ENOX1: variants seen among roughly 807,000 people sequenced by gnomAD.
ENOX1 encodes the protein ecto-NOX disulfide-thiol exchanger 1, also known as candidate growth-related and time keeping constitutive hydroquinone (NADH) oxidase.
ENOX1 carries 42 observed loss-of-function variants against 82.5 expected under a neutral mutation model. The ratio of observed to expected loss-of-function variants is 0.51; its 90% confidence interval spans 0.40 to 0.66. The LOEUF (loss-of-function observed/expected upper bound fraction) is 0.66, where lower values mean the gene tolerates loss of function less well. ENOX1 is among the 30% of genes least tolerant of loss of function. The pLI is 0.00. For synonymous variants in ENOX1, 271 were observed against 282.2 expected, an observed-to-expected ratio of 0.96 and a Z score of 0.40; for missense variants, 608 against 811.6, an observed-to-expected ratio of 0.75 and a Z score of 3.05.
chr13:43,320,813 C>CA (rs1042043361), intron 11 of ENOX1, among the ~76,000 whole-genome samples: 26 of 150,840 alleles, frequency 1.7e-4, no homozygotes, highest in African/African-American at 2.9e-4. Flanking sequence ...GCGCTTTTGA[C>CA]AAAAAAAAAG....
chr13:43,560,108 A>T (rs1341569176), intron 2 of ENOX1, among the ~76,000 whole-genome samples: 1 of 152,106 alleles, frequency 6.6e-6, no homozygotes, highest in Admixed American at 6.5e-5. Flanking sequence ...ATATGGAAAC[A>T]TTTGCTATTT....
At position 43,609,482 on chromosome 13, in the gene ENOX1, T is replaced by C. The variant is rs185976472; in HGVS notation, c.-219+57997A>G. Among the ~76,000 whole-genome samples, 3 of 152,358 alleles carry C rather than the reference T, an allele frequency of 2.0e-5. No homozygotes were observed. The East Asian group carries it at 5.8e-4, about 29-fold the overall frequency. On this transcript the variant is annotated intron_variant, in intron 2 of 16. Transcript: ENST00000690772. ...GAGTTATGTGACTGTGAATATACAGTTTGAGCTTTCTAGAATCTCTTCACT... is the reference window on the plus strand; with the variant it reads ...GAGTTATGTGACTGTGAATATACAGCTTGAGCTTTCTAGAATCTCTTCACT...
intron 3 of ENOX1, among the ~76,000 whole-genome samples, chr13:43,423,587 A>T (rs2055105360): frequency 6.6e-6 from 1 of 152,178 alleles, no homozygotes; most frequent in African/African-American, 2.4e-5. Flanking sequence ...GTGGCAGCTC[A>T]CTGTGCCAGA....
At chr13:43,460,832 A>AT (rs2057450870) in intron 3 of ENOX1, among the ~76,000 whole-genome samples, 8 of 19,780 alleles carry the variant, frequency 4.0e-4, no homozygotes, top group Non-Finnish European at 4.4e-4. Flanking sequence ...AAAAAAAAAT[A>AT]GGGATAGCTC....
intron 1 of ENOX1, among the ~76,000 whole-genome samples, chr13:43,756,008 A>G (rs1950621079): frequency 6.6e-6 from 1 of 152,262 alleles, no homozygotes; most frequent in African/African-American, 2.4e-5. Flanking sequence ...GAGACAGTCC[A>G]GTCCACAGAC....
intron 3 of ENOX1, among the ~76,000 whole-genome samples, chr13:43,475,794 CAA>C (rs10624980): frequency 1.1e-4 from 8 of 70,946 alleles, no homozygotes; most frequent in Admixed American, 1.7e-4. Flanking sequence ...CATAACTGAC[CAA>C]AAAAAAAAAA....
chr13:43,781,879 C>T (rs1360846954), intron 1 of ENOX1, among the ~76,000 whole-genome samples: 1 of 152,138 alleles, frequency 6.6e-6, no homozygotes, highest in East Asian at 1.9e-4. Context: ...ATATGTGTAC[C>T]TAAGAGTGAG....
intron 2 of ENOX1, among the ~76,000 whole-genome samples, chr13:43,660,381 T>C (rs1007998350): frequency 2.0e-5 from 3 of 152,208 alleles, no homozygotes; most frequent in African/African-American, 4.8e-5. Flanking sequence ...AATCTGAAAA[T>C]GATCAGTCAG....
At chr13:43,321,108 TTAAAATGAATG>T (rs1202154658) in intron 11 of ENOX1, 1 of 456,274 alleles carries the variant, frequency 2.2e-6, no homozygotes, top group East Asian at 6.9e-5. Flanking sequence ...ACCTGAAAGA[TTAAAATGAATG>T]AATTTGAGGG....
chr13:43,442,498 T>C (rs2056416162), intron 3 of ENOX1, among the ~76,000 whole-genome samples: 1 of 152,200 alleles, frequency 6.6e-6, no homozygotes, highest in Non-Finnish European at 1.5e-5. Flanking sequence ...ACAGAGACAC[T>C]GACAGTCACT....
intron 3 of ENOX1, among the ~76,000 whole-genome samples, chr13:43,428,188 A>G (rs984770482): frequency 9.9e-5 from 15 of 152,284 alleles, no homozygotes; most frequent in African/African-American, 3.6e-4. Context: ...CTGAAAGACA[A>G]CTCAAGACCC....
chr13:43,529,337 C>A (rs2078115208), intron 2 of ENOX1, among the ~76,000 whole-genome samples: 1 of 151,858 alleles, frequency 6.6e-6, no homozygotes, highest in Non-Finnish European at 1.5e-5. Flanking sequence ...TTAAAGTAAC[C>A]CTTATTTGAC....
chr13:43,276,261 T>A (rs997922184), intron 12 of ENOX1, among the ~76,000 whole-genome samples: 22 of 152,294 alleles, frequency 1.4e-4, no homozygotes, highest in African/African-American at 5.1e-4. Flanking sequence ...CCAGCAGTCC[T>A]TTTAACATTT....
At chr13:43,760,860 GAA>G (rs386378983) in intron 1 of ENOX1, among the ~76,000 whole-genome samples, 9,517 of 127,266 alleles carry the variant, frequency 0.075, 427 homozygotes, top group African/African-American at 0.14. Context: ...CATTAAAGTG[GAA>G]AAAAAAAAAA....
chr13:43,728,822 G>A (rs1349658340), intron 1 of ENOX1, among the ~76,000 whole-genome samples: 1 of 152,128 alleles, frequency 6.6e-6, no homozygotes, highest in Non-Finnish European at 1.5e-5. Context: ...AGAAAAAATT[G>A]ACCACATATC....
chr13:43,236,118 T>C (rs1251202925), intron 15 of ENOX1, among the ~76,000 whole-genome samples: 1 of 152,204 alleles, frequency 6.6e-6, no homozygotes, highest in Non-Finnish European at 1.5e-5. Context: ...AAAGGATCCA[T>C]ACTTGGACAG....
At chr13:43,435,435 T>C (rs2055961253) in intron 3 of ENOX1, among the ~76,000 whole-genome samples, 1 of 152,174 alleles carries the variant, frequency 6.6e-6, no homozygotes, top group Non-Finnish European at 1.5e-5. Flanking sequence ...AGCTGGTACC[T>C]ACTAGGATAT....
chr13:43,604,658 C>A (rs1036607490), intron 2 of ENOX1, among the ~76,000 whole-genome samples: 8 of 152,130 alleles, frequency 5.3e-5, no homozygotes, highest in African/African-American at 1.9e-4. Context: ...TCTTTACATC[C>A]TGGGGATAAA....
intron 1 of ENOX1, among the ~76,000 whole-genome samples, chr13:43,740,914 T>G (rs1416917361): frequency 1.3e-5 from 2 of 152,216 alleles, no homozygotes; most frequent in Admixed American, 1.3e-4. Context: ...TGTTCCCTCT[T>G]TTTAGCTATT....
Sources: gnomAD v4.1 joint callset for allele counts (sites outside exome capture counted in the v4.1 genomes callset) on GRCh38, gnomAD v4.1.1 for gene constraint, MANE v1.5 for transcripts, NCBI Gene and HGNC (gene_info 2026-07-23, HGNC 2026-07-21) for gene names.